Variants in SORBS2 observed in about 807,000 individuals in gnomAD.
The protein encoded by SORBS2 is sorbin and SH3 domain-containing protein 2.
SORBS2 carries 46 observed loss-of-function variants against 97.7 expected under a neutral mutation model. The observed-to-expected ratio is 0.47, with a 90% CI of 0.37 to 0.60. SORBS2 has a LOEUF of 0.60. SORBS2 is among the 20% of genes least tolerant of loss of function. The pLI is 0.00. For missense variants in SORBS2, 1,316 were observed against 1,282.3 expected (o/e 1.03, Z -0.40); for synonymous variants, 476 against 473.4 (o/e 1.01, Z -0.07).
At chr4:185,773,184 T>A (rs1432506418) in intron 2 of SORBS2, 1 of 152,150 alleles carries the variant, frequency 6.6e-6, no homozygotes, top group Non-Finnish European at 1.5e-5. Flanking sequence ...TCTAGCAATA[T>A]ATTTGCACTC....
intron 2 of SORBS2, among the ~76,000 whole-genome samples, 196 bp from the exon 6 acceptor site, chr4:185,679,018 T>A (rs950921286): frequency 6.6e-6 from 1 of 152,128 alleles, no homozygotes; most frequent in Admixed American, 6.5e-5. Flanking sequence ...TCATTAAATA[T>A]CTATAATATA....
intron 2 of SORBS2, among the ~76,000 whole-genome samples, chr4:185,743,444 C>T (rs2153587975): frequency 6.6e-6 from 1 of 152,272 alleles, no homozygotes; most frequent in Non-Finnish European, 1.5e-5. Flanking sequence ...CAAAAGCAGT[C>T]CCAAACCAGG....
intron 12 of SORBS2, among the ~76,000 whole-genome samples, chr4:185,598,483 T>A (rs937884445): frequency 4.6e-5 from 7 of 152,186 alleles, no homozygotes; most frequent in African/African-American, 1.4e-4. Context: ...TACTTTCCGA[T>A]CTTAGTGAGC....
intron 1 of SORBS2, among the ~76,000 whole-genome samples, chr4:185,803,273 A>G (rs1479410744): frequency 6.6e-6 from 1 of 152,156 alleles, no homozygotes; most frequent in Non-Finnish European, 1.5e-5. Flanking sequence ...TTCTGATCAT[A>G]ATCTCTTTGT....
At chr4:185,624,404 T>C in exon 7 of SORBS2, 1 of 1,614,176 alleles carries the variant, frequency 6.2e-7, no homozygotes, top group Non-Finnish European at 8.5e-7. Context: ...GTGCTGTCTG[T>C]AAGTGCTACA....
intron 6 of SORBS2, among the ~76,000 whole-genome samples, chr4:185,625,987 C>A (rs1012449931): frequency 6.6e-6 from 1 of 152,220 alleles, no homozygotes; most frequent in Non-Finnish European, 1.5e-5. Context: ...CTTTCAATCC[C>A]AAGATATTAG....
At chr4:185,884,282 T>G (rs1307122696) in intron 1 of SORBS2, among the ~76,000 whole-genome samples, 2 of 152,220 alleles carry the variant, frequency 1.3e-5, no homozygotes, top group African/African-American at 4.8e-5. Context: ...TATCTGGATA[T>G]TCTTATAGAC....
exon 15 of SORBS2, chr4:185,586,434 A>G (rs2095802015): frequency 6.6e-6 from 1 of 152,650 alleles, no homozygotes; most frequent in Admixed American, 6.5e-5. Context: ...CAGGCTCAAC[A>G]TATTCCTGTC....
chr4:185,674,178 T>C (rs2097761438), intron 4 of SORBS2, among the ~76,000 whole-genome samples: 1 of 152,214 alleles, frequency 6.6e-6, no homozygotes, highest in African/African-American at 2.4e-5. Context: ...AATGTGGGTG[T>C]CTAAGAAATG....
intron 1 of SORBS2, among the ~76,000 whole-genome samples, chr4:185,885,958 T>C (rs1345529379): frequency 6.6e-6 from 1 of 152,234 alleles, no homozygotes; most frequent in Non-Finnish European, 1.5e-5. Flanking sequence ...TGTCACCCTA[T>C]TTAAAAGTTC....
chr4:185,725,572 A>C (rs1408634257), intron 2 of SORBS2, among the ~76,000 whole-genome samples: 1 of 152,204 alleles, frequency 6.6e-6, no homozygotes, highest in Non-Finnish European at 1.5e-5. Context: ...TCAAAATTCT[A>C]ACTTTGTGCT....
intron 1 of SORBS2, among the ~76,000 whole-genome samples, chr4:185,797,409 T>C (rs535230127): frequency 6.6e-6 from 1 of 152,238 alleles, no homozygotes; most frequent in African/African-American, 2.4e-5. Context: ...CCCACAAATA[T>C]GATCATTACT....
At chr4:185,876,230 C>T (rs2099233590) in intron 1 of SORBS2, among the ~76,000 whole-genome samples, 1 of 152,146 alleles carries the variant, frequency 6.6e-6, no homozygotes, top group Non-Finnish European at 1.5e-5. Context: ...GCCTCAGCCT[C>T]CTGAGTAGCT....
chr4:185,750,898 G>A (rs1377116662), intron 2 of SORBS2, among the ~76,000 whole-genome samples: 5 of 151,814 alleles, frequency 3.3e-5, no homozygotes, highest in Admixed American at 3.3e-4. Context: ...TCTTCTCCTT[G>A]ACCTTAGGTG....
rs980948860 is a variant in SORBS2 at position 185,612,128 on chromosome 4, G to A, written c.2596-148C>T. The A allele has an allele frequency of 3.0e-5, 18 of 610,014 alleles. No homozygotes were observed. In the African/African-American group the frequency reaches 3.0e-4, roughly 10 times the overall value. 37.8% of individuals were successfully genotyped at this position (610,014 alleles called of 1,614,324 possible). ...GTTTAATCAGGGGAGGGCAAGTAAGGTACTAGTGCTTACTAGAAAAATACA... is the reference window on the plus strand; with the variant it reads ...GTTTAATCAGGGGAGGGCAAGTAAGATACTAGTGCTTACTAGAAAAATACA... On this transcript the variant is annotated intron_variant, in intron 11 of 14. Transcript: ENST00000418609.
At chr4:185,891,750 C>T (rs10049808) in intron 1 of SORBS2, among the ~76,000 whole-genome samples, 4,318 of 152,230 alleles carry the variant, frequency 0.028, 162 homozygotes, top group African/African-American at 0.089. Flanking sequence ...CAGTCTTGTG[C>T]CAATTAAACT....
exon 6 of SORBS2, chr4:185,626,886 T>A (rs1205158691): frequency 6.2e-7 from 1 of 1,614,154 alleles, no homozygotes; most frequent in Non-Finnish European, 8.5e-7. Flanking sequence ...TTTGTAAGAG[T>A]GGTGCTTGAT....
intron 1 of SORBS2, among the ~76,000 whole-genome samples, chr4:185,850,777 G>T (rs1168922103): frequency 6.6e-6 from 1 of 152,298 alleles, no homozygotes; most frequent in Middle Eastern, 3.4e-3. Flanking sequence ...TGATTTCTGA[G>T]TGTGTCTGTG....
rs913604959 is a variant in SORBS2 at position 185,884,879 on chromosome 4, C to T, written c.-338+71317G>A. On this transcript the variant is annotated intron_variant, in intron 1 of 20. Coordinates refer to the SORBS2 transcript ENST00000284776. ...GGGAGAATTTACTACATACTTTATG[C>T]AATGATTTTAGTAATCAAGTTACAG... Among the ~76,000 whole-genome samples, 17 of 152,236 alleles carry T rather than the reference C, an allele frequency of 1.1e-4. No homozygotes were observed. In the East Asian group the frequency reaches 3.3e-3, roughly 29 times the overall value.
Sources: gnomAD v4.1 joint callset for allele counts (sites outside exome capture counted in the v4.1 genomes callset) on GRCh38, gnomAD v4.1.1 for gene constraint, MANE v1.5 for transcripts, NCBI Gene and HGNC (gene_info 2026-07-23, HGNC 2026-07-21) for gene names.